EHMT1: variants seen among roughly 807,000 people sequenced by gnomAD.
The protein encoded by EHMT1 is euchromatic histone lysine methyltransferase 1, also known as histone-lysine N-methyltransferase EHMT1.
Under a neutral mutation model 147.2 loss-of-function variants are expected in EHMT1, and 15 were observed. That is an observed-to-expected ratio of 0.10 (90% CI 0.07 to 0.16). The LOEUF is 0.16. Among genes scored for constraint, EHMT1 ranks in the 10% least tolerant of loss-of-function variants. EHMT1 has a pLI of 1.00. For synonymous variants in EHMT1, 795 were observed against 709.6 expected (o/e 1.12, Z -1.91); for missense variants, 1,587 against 1,772.4 (o/e 0.90, Z 1.88).
chr9:137,797,322 C>G (rs1382974707), intron 16 of EHMT1, among the ~76,000 whole-genome samples: 14 of 152,140 alleles, frequency 9.2e-5, no homozygotes, highest in Admixed American at 9.2e-4. Flanking sequence ...TTGGCTGACT[C>G]TCAATCCCCT....
At position 137,834,917 on chromosome 9, in the gene EHMT1, C is replaced by T. The variant is rs778272171; in HGVS notation, c.3861C>T (p.Pro1287=). ...AGGAGGCCCAGGAGGACGGCTTGCC[C>T]GACACCAGCTCCGCGGCTGCCGCCG... ...AAQEAQEDGL[P]DTSSAAAADP... Residue 1287 remains proline, a synonymous_variant, in exon 27 of 27, where the codon CCC becomes CCT. Coordinates refer to ENST00000460843, the MANE Select transcript of EHMT1 (RefSeq NM_024757.5). The T allele has an allele frequency of 3.8e-6, 6 of 1,581,176 alleles. No homozygotes were observed. In the Admixed American group the frequency reaches 5.4e-5, roughly 14 times the overall value.
At chr9:137,811,352 A>C in intron 18 of EHMT1, 109 bp from the exon 19 acceptor site, 2 of 1,518,126 alleles carry the variant, frequency 1.3e-6, no homozygotes, top group Non-Finnish European at 1.8e-6. Context: ...ACGGCCACGC[A>C]TGCTCCAGAG....
intron 18 of EHMT1, among the ~76,000 whole-genome samples, chr9:137,808,569 T>C (rs1030720946): frequency 1.3e-5 from 2 of 151,568 alleles, no homozygotes; most frequent in African/African-American, 4.8e-5. Context: ...AGGCCAGGCT[T>C]GTCGTAACTC....
intron 25 of EHMT1, among the ~76,000 whole-genome samples, chr9:137,829,783 G>A (rs970432325): frequency 2.6e-5 from 4 of 152,212 alleles, no homozygotes; most frequent in Non-Finnish European, 2.9e-5. Context: ...CCGTGTTTGC[G>A]GCCAGCTGGG....
At chr9:137,764,530 A>AAACAAACC (rs1402857493) in intron 10 of EHMT1, 1 of 152,140 alleles carries the variant, frequency 6.6e-6, no homozygotes, top group Non-Finnish European at 1.5e-5. Flanking sequence ...TGAACTACTT[A>AAACAAACC]CTGTTTTAAA....
intron 4 of EHMT1, among the ~76,000 whole-genome samples, chr9:137,729,100 C>T (rs2135795155): frequency 6.6e-6 from 1 of 152,258 alleles, no homozygotes; most frequent in South Asian, 2.1e-4. Flanking sequence ...GCTCCCTGGG[C>T]TTTCAAACCT....
At chr9:137,698,612 C>T (rs1943586782) in intron 1 of EHMT1, among the ~76,000 whole-genome samples, 2 of 152,132 alleles carry the variant, frequency 1.3e-5, no homozygotes, top group African/African-American at 4.8e-5. Flanking sequence ...TCCTGCCAGC[C>T]TGGAACCTTA....
At chr9:137,826,522 C>T (rs1484327182) in intron 25 of EHMT1, among the ~76,000 whole-genome samples, 1 of 152,214 alleles carries the variant, frequency 6.6e-6, no homozygotes, top group African/African-American at 2.4e-5. Flanking sequence ...ACACCATAGA[C>T]TGCACAACAG....
chr9:137,645,252 G>A (rs1844803504), intron 1 of EHMT1, among the ~76,000 whole-genome samples: 1 of 152,246 alleles, frequency 6.6e-6, no homozygotes, highest in Non-Finnish European at 1.5e-5. Context: ...TGTGTAACCT[G>A]ATACAAAAGG....
At chr9:137,701,215 G>A (rs1943794888) in intron 1 of EHMT1, among the ~76,000 whole-genome samples, 1 of 151,660 alleles carries the variant, frequency 6.6e-6, no homozygotes, top group South Asian at 2.1e-4. Context: ...TGGGGACACA[G>A]AGCAAACCAT....
chr9:137,706,547 C>T (rs1022934691), intron 1 of EHMT1, among the ~76,000 whole-genome samples: 2 of 152,172 alleles, frequency 1.3e-5, no homozygotes, highest in Admixed American at 6.5e-5. Flanking sequence ...AGAGCAGTGG[C>T]GTGATCTCGG....
chr9:137,743,289 A>ACTGTCTC, intron 4 of EHMT1, 82 bp from the exon 5 acceptor site: 1 of 1,505,500 alleles, frequency 6.6e-7, no homozygotes, highest in Non-Finnish European at 8.8e-7. Flanking sequence ...AGTTTTGTAA[A>ACTGTCTC]CTGTCTCTTA....
At chr9:137,730,922 G>A (rs1489968104) in intron 4 of EHMT1, among the ~76,000 whole-genome samples, 2 of 152,096 alleles carry the variant, frequency 1.3e-5, no homozygotes, top group East Asian at 3.8e-4. Context: ...TTTGCTATTT[G>A]ACGTAATTTT....
chr9:137,780,816 T>TGTGTGGTGATGACGCCGAGAC (rs1564747492), intron 14 of EHMT1, among the ~76,000 whole-genome samples: 5 of 71,370 alleles, frequency 7.0e-5, no homozygotes, highest in South Asian at 8.1e-4. Context: ...CTCACTGAGA[T>TGTGTGGTGATGACGCCGAGAC]GTGTGGTGAT....
intron 18 of EHMT1, chr9:137,803,010 G>T (rs1186239164): frequency 1.6e-6 from 2 of 1,231,552 alleles, no homozygotes; most frequent in Admixed American, 4.2e-5. Context: ...GCCACCCCCA[G>T]GTGGGGCCAC....
At chr9:137,710,496 G>A (rs944638229) in intron 1 of EHMT1, among the ~76,000 whole-genome samples, 2 of 152,162 alleles carry the variant, frequency 1.3e-5, no homozygotes, top group Non-Finnish European at 2.9e-5. Flanking sequence ...AAGAGGCCTT[G>A]TATAATACAT....
At position 137,788,290 on chromosome 9, in the gene EHMT1, C is replaced by T. The variant is rs188873302; in HGVS notation, c.2383-2558C>T. The T allele has an allele frequency of 2.2e-4, 91 of 415,634 alleles. 1 individual carries two copies. In the East Asian group the frequency reaches 3.1e-3, roughly 14 times the overall value. The allele number at this position is 415,634 out of a possible 1,614,324, so 25.7% of individuals were successfully genotyped here. On this transcript the variant is annotated intron_variant, in intron 15 of 26. Transcript: ENST00000460843. The stretch of plus-strand genomic sequence containing the variant: ...CCATTGCTGGGCGGTGGCAGATGAC[C>T]GAGCGGCTGGTAGGACTGGCATGCA...
intron 1 of EHMT1, among the ~76,000 whole-genome samples, chr9:137,707,705 A>C (rs1944384306): frequency 2.0e-5 from 3 of 152,298 alleles, no homozygotes; most frequent in Admixed American, 2.0e-4. Context: ...TACAAAACTT[A>C]ATTTCGTGGG....
intron 1 of EHMT1, among the ~76,000 whole-genome samples, chr9:137,632,026 G>C (rs928571245): frequency 7.2e-5 from 11 of 152,270 alleles, no homozygotes; most frequent in Middle Eastern, 6.8e-3. Flanking sequence ...GCAGTAACGC[G>C]CTGTGCAGGT....
Sources: gnomAD v4.1 joint callset for allele counts (sites outside exome capture counted in the v4.1 genomes callset) on GRCh38, gnomAD v4.1.1 for gene constraint, MANE v1.5 for transcripts, NCBI Gene and HGNC (gene_info 2026-07-23, HGNC 2026-07-21) for gene names.